Variants in CAMK1D observed in about 807,000 individuals in gnomAD.
CAMK1D encodes calcium/calmodulin-dependent protein kinase type 1D.
A neutral mutation model predicts 47.7 loss-of-function variants in CAMK1D; 9 were observed. The ratio of observed to expected loss-of-function variants is 0.19; its 90% CI spans 0.11 to 0.33. CAMK1D has a LOEUF of 0.33. CAMK1D is among the 10% of genes least tolerant of loss of function. The probability of loss-of-function intolerance (pLI) is 1.00; values close to 1 mark genes in which losing one functional copy is unlikely to be tolerated. For synonymous variants in CAMK1D, 184 were observed against 184.9 expected (o/e 0.99, Z 0.04); for missense variants, 291 against 488.7 (o/e 0.60, Z 3.81).
intron 4 of CAMK1D, among the ~76,000 whole-genome samples, chr10:12,764,323 G>C (rs1052539142): frequency 2.9e-5 from 4 of 137,944 alleles, no homozygotes; most frequent in Non-Finnish European, 6.0e-5. Context: ...AGAGGTTGCA[G>C]TGAGCCGAGA....
chr10:12,611,662 G>T (rs1264487589), intron 2 of CAMK1D, among the ~76,000 whole-genome samples: 1 of 133,372 alleles, frequency 7.5e-6, no homozygotes, highest in Non-Finnish European at 1.5e-5. Flanking sequence ...CGCAATCTCG[G>T]CTCACTGCAA....
chr10:12,380,139 T>C (rs748583432), intron 1 of CAMK1D, among the ~76,000 whole-genome samples: 1 of 151,866 alleles, frequency 6.6e-6, no homozygotes, highest in Non-Finnish European at 1.5e-5. Context: ...GGTGTGAACC[T>C]GGGAGGTGGA....
At position 12,610,129 on chromosome 10, in the gene CAMK1D, A is replaced by G. The variant is rs147408687; in HGVS notation, c.225-56607A>G. Among the ~76,000 whole-genome samples the G allele has an allele frequency of 1.7e-4, 26 of 152,198 alleles. No homozygotes were observed. The East Asian group carries it at 5.0e-3, about 29-fold the overall frequency. ...GGTGTAAAGACTTTCTATGTGACTAATTTAAAGCCACCAACTGAAGTCATT... is the reference window on the plus strand; with the variant it reads ...GGTGTAAAGACTTTCTATGTGACTAGTTTAAAGCCACCAACTGAAGTCATT... On this transcript the variant is annotated intron_variant, in intron 2 of 10. Coordinates refer to ENST00000619168, the MANE Select transcript of CAMK1D (RefSeq NM_153498.4).
At chr10:12,766,365 T>C (rs1291119908) in intron 4 of CAMK1D, among the ~76,000 whole-genome samples, 1 of 143,614 alleles carries the variant, frequency 7.0e-6, no homozygotes, top group African/African-American at 2.6e-5. Flanking sequence ...CTGTTTCTTT[T>C]TTTTTTTTTT....
At chr10:12,774,180 T>C (rs928621413) in intron 5 of CAMK1D, among the ~76,000 whole-genome samples, 41 of 152,062 alleles carry the variant, frequency 2.7e-4, no homozygotes, top group Non-Finnish European at 2.2e-4. Context: ...CAAATATTGA[T>C]AGCTAAGTTC....
intron 5 of CAMK1D, among the ~76,000 whole-genome samples, chr10:12,788,660 T>C (rs1837841070): frequency 6.6e-6 from 1 of 152,192 alleles, no homozygotes. Context: ...AGGGAGAGCA[T>C]GCCTCCTAAA....
intron 2 of CAMK1D, among the ~76,000 whole-genome samples, chr10:12,662,106 A>G (rs1840289980): frequency 6.6e-6 from 1 of 152,242 alleles, no homozygotes. Context: ...CTCTGGTGGA[A>G]TACCATGGAG....
At chr10:12,461,866 G>T (rs545496140) in intron 1 of CAMK1D, among the ~76,000 whole-genome samples, 4 of 152,144 alleles carry the variant, frequency 2.6e-5, no homozygotes, top group African/African-American at 9.6e-5. Flanking sequence ...TTTGGAGGAG[G>T]AAGTTTGTTG....
rs575429676 is a variant in CAMK1D at position 12,771,979 on chromosome 10, G to A, written c.565+2180G>A. Among the ~76,000 whole-genome samples the A allele has an allele frequency of 2.6e-5, 4 of 152,188 alleles. No individual in the cohort carries two copies. The East Asian group carries it at 7.7e-4, about 29-fold the overall frequency. On this transcript the variant is annotated intron_variant, in intron 5 of 10. Transcript: ENST00000619168. ...AACCTGGGGGGCGGAAGTTGCAGTG[G>A]GCTGAGATTGCGCCACTGCACTCCA...
chr10:12,816,203 C>A, intron 7 of CAMK1D, 47 bp from the exon 8 acceptor site: 3 of 1,529,628 alleles, frequency 2.0e-6, no homozygotes, highest in Non-Finnish European at 1.8e-6. Flanking sequence ...ATTGTCACAT[C>A]TCAAGTCGCA....
intron 1 of CAMK1D, among the ~76,000 whole-genome samples, chr10:12,449,858 G>C (rs1833031283): frequency 6.6e-6 from 1 of 152,168 alleles, no homozygotes; most frequent in Non-Finnish European, 1.5e-5. Context: ...AATTATCTGG[G>C]CATGGTGGCA....
chr10:12,720,872 G>C (rs955984192), intron 3 of CAMK1D, among the ~76,000 whole-genome samples: 2 of 152,184 alleles, frequency 1.3e-5, no homozygotes, highest in Non-Finnish European at 2.9e-5. Context: ...TGAATTAACT[G>C]CAGGCCCAAG....
intron 1 of CAMK1D, among the ~76,000 whole-genome samples, chr10:12,374,942 C>CAAA (rs71384315): frequency 2.0e-4 from 19 of 94,472 alleles, no homozygotes; most frequent in South Asian, 3.8e-4. Flanking sequence ...GACTCCGTCT[C>CAAA]AAAAAAAAAA....
At chr10:12,742,315 A>C (rs1191521880) in intron 3 of CAMK1D, among the ~76,000 whole-genome samples, 2 of 151,960 alleles carry the variant, frequency 1.3e-5, no homozygotes, top group African/African-American at 4.8e-5. Context: ...TTAAATTTTT[A>C]GTAGAGACGG....
intron 2 of CAMK1D, among the ~76,000 whole-genome samples, chr10:12,557,915 G>A (rs1269262974): frequency 1.3e-5 from 2 of 152,168 alleles, no homozygotes; most frequent in Non-Finnish European, 2.9e-5. Flanking sequence ...TAGCTAACAT[G>A]TCCTTAAGGA....
intron 2 of CAMK1D, among the ~76,000 whole-genome samples, chr10:12,633,940 C>T (rs111736566): frequency 1.2e-4 from 18 of 152,216 alleles, no homozygotes; most frequent in African/African-American, 2.4e-4. Context: ...TCTTTGAGGC[C>T]GTGGTCCGTG....
chr10:12,541,501 T>C (rs1158538532), intron 1 of CAMK1D, among the ~76,000 whole-genome samples: 4 of 152,136 alleles, frequency 2.6e-5, no homozygotes, highest in Non-Finnish European at 5.9e-5. Context: ...GTAGCTGGGA[T>C]TACAGGCGTG....
intron 6 of CAMK1D, among the ~76,000 whole-genome samples, chr10:12,792,867 G>T (rs1838037726): frequency 6.6e-6 from 1 of 152,132 alleles, no homozygotes; most frequent in African/African-American, 2.4e-5. Flanking sequence ...ATCACCTTTT[G>T]CAGTTTTATC....
chr10:12,709,775 A>C (rs1833867376), intron 3 of CAMK1D, among the ~76,000 whole-genome samples: 1 of 152,208 alleles, frequency 6.6e-6, no homozygotes, highest in African/African-American at 2.4e-5. Context: ...ATCAGCTTCA[A>C]AGTATTTCTG....
Sources: gnomAD v4.1 joint callset for allele counts (sites outside exome capture counted in the v4.1 genomes callset) on GRCh38, gnomAD v4.1.1 for gene constraint, MANE v1.5 for transcripts, NCBI Gene and HGNC (gene_info 2026-07-23, HGNC 2026-07-21) for gene names.